Variants in PROSER2 observed in about 807,000 individuals in gnomAD.
The protein encoded by PROSER2 is proline and serine rich 2.
PROSER2 carries 18 observed loss-of-function variants against 14.6 expected under a neutral mutation model. The ratio of observed to expected loss-of-function variants is 1.23; its 90% CI spans 0.85 to 1.83. The LOEUF (loss-of-function observed/expected upper bound fraction) is 1.83. Among genes scored for constraint, PROSER2 ranks in the 40% most tolerant of loss-of-function variants. The pLI is 0.00. For missense variants in PROSER2, 823 were observed against 629.8 expected, an observed-to-expected ratio of 1.31 and a Z score of -3.28; for synonymous variants, 367 against 286.4, an observed-to-expected ratio of 1.28 and a Z score of -2.84.
At chr10:11,828,332 G>T (rs1199634224) in intron 1 of PROSER2, among the ~76,000 whole-genome samples, 10 of 148,184 alleles carry the variant, frequency 6.7e-5, no homozygotes, top group Non-Finnish European at 1.2e-4. Flanking sequence ...ATACTCCTTT[G>T]TACTAGACTA....
chr10:11,842,927 T>C (rs1476615311), intron 1 of PROSER2, among the ~76,000 whole-genome samples: 2 of 121,000 alleles, frequency 1.7e-5, no homozygotes, highest in African/African-American at 5.9e-5. Flanking sequence ...ATTTTGCCAT[T>C]GTTCTTTTTT....
At chr10:11,847,052 T>C (rs1833932005) in intron 1 of PROSER2, among the ~76,000 whole-genome samples, 2 of 148,588 alleles carry the variant, frequency 1.3e-5, no homozygotes, top group Non-Finnish European at 2.9e-5. Context: ...ACTCCCAGCC[T>C]GTCCAGGGTT....
intron 1 of PROSER2, among the ~76,000 whole-genome samples, chr10:11,842,796 T>C (rs1320956089): frequency 1.3e-5 from 2 of 152,048 alleles, no homozygotes; most frequent in Admixed American, 6.6e-5. Context: ...TCAGCAGTTA[T>C]AATCTTCAGC....
In PROSER2 at chr10:11,870,381, TGGGGCTGCTCA is replaced by T; in HGVS notation, c.1287_1297del (p.Leu430GlufsTer59). On this transcript the variant is annotated frameshift_variant, in exon 4 of 4. Transcript: ENST00000277570. LOFTEE classifies it high-confidence loss of function. ...GCGCGCAGGGAGGCCCTGCGGAAGC[TGGGGCTGCTCA>T]GGGAGAGTTCGTGAGGGCCGCGCGG... 1 of 1,507,040 alleles carries T rather than the reference TGGGGCTGCTCA, an allele frequency of 6.6e-7. No individual in the cohort carries two copies. Among genetic ancestry groups the T allele is most frequent in the Non-Finnish European group, 8.9e-7 (1 of 1,129,476 alleles). The allele number at this position is 1,507,040 out of a possible 1,614,324, so 93.4% of individuals were successfully genotyped here.
At chr10:11,842,965 G>A (rs553061962) in intron 1 of PROSER2, among the ~76,000 whole-genome samples, 1 of 52,482 alleles carries the variant, frequency 1.9e-5, no homozygotes, top group South Asian at 6.5e-4. Flanking sequence ...TTTTGAGATG[G>A]AGTCTTGCTC....
Position 11,869,550 on chromosome 10 carries a change from ACCCCCCGG to A in PROSER2, c.454_461del (p.Pro152SerfsTer12). 6.2e-7 allele frequency: 1 copy of A among 1,611,474 alleles called. No individual in the cohort carries two copies. Among genetic ancestry groups the A allele is most frequent in the South Asian group, 1.1e-5 (1 of 90,948 alleles). ...GATGCTGAGACTCCTCCACCTCCAGACCCCCCGGCTCCCGAGACCCTTCTTGCGCCACC... is the reference window on the plus strand; with the variant it reads ...GATGCTGAGACTCCTCCACCTCCAGACTCCCGAGACCCTTCTTGCGCCACC... On this transcript the variant is annotated frameshift_variant, in exon 4 of 4. Coordinates refer to ENST00000277570, the MANE Select transcript of PROSER2 (RefSeq NM_153256.4). LOFTEE classifies it low-confidence loss of function (END_TRUNC). This position sits in a 1 kb window ranked among gnomAD's most constrained non-coding sequence, Gnocchi z 4.4.
chr10:11,846,606 T>C (rs183030280), intron 1 of PROSER2, among the ~76,000 whole-genome samples: 3 of 152,354 alleles, frequency 2.0e-5, no homozygotes, highest in African/African-American at 7.2e-5. Context: ...TTTAGGTCGA[T>C]AGCATTTCCT....
rs1834331331 is a variant in PROSER2 at position 11,865,752 on chromosome 10, C to G, written c.139-779C>G. 6.6e-6 allele frequency among the ~76,000 whole-genome samples: 1 copy of G among 152,206 alleles called. No individual in the cohort carries two copies. Among genetic ancestry groups the G allele is most frequent in the Admixed American group, 6.5e-5 (1 of 15,288 alleles). Reference sequence around the variant, plus strand: ...CCACCGTCAGCTTTGCTCCGTGGCCCCACTTCAGGGTTCCTCTGTCACCTT... The same window carrying G: ...CCACCGTCAGCTTTGCTCCGTGGCCGCACTTCAGGGTTCCTCTGTCACCTT... On this transcript the variant is annotated intron_variant, in intron 2 of 3. Coordinates refer to ENST00000277570, the MANE Select transcript of PROSER2 (RefSeq NM_153256.4). This position sits in a 1 kb window ranked among gnomAD's most constrained non-coding sequence, Gnocchi z 4.2.
rs765133870 is a variant in PROSER2 at position 11,865,927 on chromosome 10, C to A, written c.139-604C>A. Among the ~76,000 whole-genome samples, 3 of 152,164 alleles carry A rather than the reference C, an allele frequency of 2.0e-5. No individual in the cohort carries two copies. The highest frequency in any genetic ancestry group is 2.0e-4 in the Admixed American group (3 of 15,280). On this transcript the variant is annotated intron_variant, in intron 2 of 3. Transcript: ENST00000277570. The surrounding 1 kb of genome is among the most constrained non-coding windows in gnomAD (Gnocchi z 4.2). Reference sequence around the variant, plus strand: ...GGGCCTGAGCTTCTGGGCAGTTCTTCGGGATGCAGCAGGTGGGTCACTGGC... The same window carrying A: ...GGGCCTGAGCTTCTGGGCAGTTCTTAGGGATGCAGCAGGTGGGTCACTGGC...
intron 1 of PROSER2, among the ~76,000 whole-genome samples, chr10:11,828,926 G>T (rs932263367): frequency 2.0e-5 from 3 of 152,080 alleles, no homozygotes; most frequent in Non-Finnish European, 4.4e-5. Flanking sequence ...TCTGTCAGGG[G>T]TGTCAGAACA....
At chr10:11,844,774 A>G (rs1421210227) in intron 1 of PROSER2, among the ~76,000 whole-genome samples, 1 of 152,142 alleles carries the variant, frequency 6.6e-6, no homozygotes, top group Non-Finnish European at 1.5e-5. Context: ...GGCATGAGCT[A>G]CCACGCCTGG....
intron 1 of PROSER2, among the ~76,000 whole-genome samples, chr10:11,833,445 C>T (rs1367251710): frequency 1.3e-5 from 2 of 151,670 alleles, no homozygotes; most frequent in Non-Finnish European, 2.9e-5. Context: ...AATCCCAGCA[C>T]TTTGGGAGGC....
At chr10:11,864,249 C>T (rs1834300835) in intron 2 of PROSER2, among the ~76,000 whole-genome samples, 1 of 152,178 alleles carries the variant, frequency 6.6e-6, no homozygotes, top group African/African-American at 2.4e-5. Context: ...CTCCCGGCTT[C>T]TGGTGTTGCT....
At position 11,830,063 on chromosome 10, in the gene PROSER2, G is replaced by A. The variant is rs564659896; in HGVS notation, c.-82+6593G>A. 8.6e-5 allele frequency among the ~76,000 whole-genome samples: 13 copies of A among 151,914 alleles called. No individual in the cohort carries two copies. The highest frequency in any genetic ancestry group is 5.2e-4 in the Admixed American group (8 of 15,248). ...TTGCCATGTTGGCCATGCTGGTCTC[G>A]AACTCCTGAGCTCAAGTGATTCACC... On this transcript the variant is annotated intron_variant, in intron 1 of 3. Transcript: ENST00000277570. The surrounding 1 kb of genome is among the most constrained non-coding windows in gnomAD (Gnocchi z 4.5).
rs778502422 is a variant in PROSER2, at chr10:11,869,563, C to T, written c.465C>T (p.Pro155=). ...CTCCACCTCCAGACCCCCCGGCTCC[C>T]GAGACCCTTCTTGCGCCACCACCCC... ...ETPPPPDPPA[P]ETLLAPPPLP... The change falls in exon 4 of 4, where the codon CCC becomes CCT. Residue 155 remains proline, a synonymous_variant. Coordinates refer to ENST00000277570, the MANE Select transcript of PROSER2 (RefSeq NM_153256.4). The surrounding 1 kb of genome is among the most constrained non-coding windows in gnomAD (Gnocchi z 4.4). 3.1e-6 allele frequency: 5 copies of T among 1,612,736 alleles called. No homozygotes were observed. The highest frequency in any genetic ancestry group is 3.4e-6 in the Non-Finnish European group (4 of 1,178,922).
Position 11,869,988 on chromosome 10 carries a change from C to T in PROSER2, c.890C>T (p.Pro297Leu). 1 of 1,281,164 alleles carries T rather than the reference C, an allele frequency of 7.8e-7. No homozygotes were observed. The highest frequency in any genetic ancestry group is 9.8e-7 in the Non-Finnish European group (1 of 1,017,224). The allele number at this position is 1,281,164 out of a possible 1,614,324, so 79.4% of individuals were successfully genotyped here. ...ATCCACGGCCACGCCGGCGCCTTCC[C>T]CGCCGCGGGGGACGCCGGCGAGGGG... ...ATIHGHAGAF[P>L]AAGDAGEGAP... The change falls in exon 4 of 4, where the codon CCC (proline) becomes CTC (leucine). Residue 297 changes from proline to leucine, a missense_variant. By Grantham distance (98) the Pro-to-Leu change is moderately conservative. Transcript: ENST00000277570. The surrounding 1 kb of genome is among the most constrained non-coding windows in gnomAD (Gnocchi z 4.4).
chr10:11,869,735 C>A lies in PROSER2; in HGVS notation c.637C>A (p.Pro213Thr). 1 of 1,587,868 alleles carries A rather than the reference C, an allele frequency of 6.3e-7. No individual in the cohort carries two copies. The highest frequency in any genetic ancestry group is 8.6e-7 in the Non-Finnish European group (1 of 1,168,406). ...GATGGCGGGGAACGAAGCCCTCTCGCCCACCTCCCCGTTCAGGGAGGGCCG... is the reference window on the plus strand; with the variant it reads ...GATGGCGGGGAACGAAGCCCTCTCGACCACCTCCCCGTTCAGGGAGGGCCG... ...ERMAGNEALS[P>T]TSPFREGRPG... The change falls in exon 4 of 4, where the codon CCC becomes ACC. Residue 213 changes from proline to threonine, a missense_variant. Pro to Thr is a conservative substitution (Grantham distance 38). Transcript: ENST00000277570. The surrounding 1 kb of genome is among the most constrained non-coding windows in gnomAD (Gnocchi z 4.4).
chr10:11,843,290 C>A (rs988725099), intron 1 of PROSER2, among the ~76,000 whole-genome samples: 1 of 151,142 alleles, frequency 6.6e-6, no homozygotes, highest in South Asian at 2.1e-4. Flanking sequence ...CAGTGGCACA[C>A]ACCTGTAATC....
chr10:11,869,478 C>G lies in PROSER2; in HGVS notation c.392-12C>G. The G allele has an allele frequency of 1.2e-6, 2 of 1,608,544 alleles. No individual in the cohort carries two copies. The highest frequency in any genetic ancestry group is 1.7e-6 in the Non-Finnish European group (2 of 1,175,092). ...GGGCCGGTGGCTCACAGGCTCCTCCCTTGTCTTCCAGGGCCTGCACCTGCT... is the reference window on the plus strand; with the variant it reads ...GGGCCGGTGGCTCACAGGCTCCTCCGTTGTCTTCCAGGGCCTGCACCTGCT... On this transcript the variant is annotated splice_polypyrimidine_tract_variant and intron_variant, in intron 3 of 3. Coordinates refer to ENST00000277570, the MANE Select transcript of PROSER2 (RefSeq NM_153256.4). The surrounding 1 kb of genome is among the most constrained non-coding windows in gnomAD (Gnocchi z 4.4).
Sources: gnomAD v4.1 joint callset for allele counts (sites outside exome capture counted in the v4.1 genomes callset) on GRCh38, gnomAD v4.1.1 for gene constraint, Gnocchi (gnomAD v3.1) non-coding constraint, MANE v1.5 for transcripts, NCBI Gene and HGNC (gene_info 2026-07-23, HGNC 2026-07-21) for gene names.